Variants in BRD10 observed in about 807,000 individuals in gnomAD.
BRD10 encodes bromodomain containing 10.
the BRD10 span, among the ~76,000 whole-genome samples, chr9:5,911,516 A>G: frequency 1.7e-4 from 25 of 145,246 alleles, no homozygotes; most frequent in East Asian, 2.8e-3. Context: ...CTTTTTGCTT[A>G]GGTCCTTTTT....
At chr9:5,929,732 T>C in the BRD10 span, among the ~76,000 whole-genome samples, 1 of 152,178 alleles carries the variant, frequency 6.6e-6, no homozygotes, top group Non-Finnish European at 1.5e-5. Flanking sequence ...CTCAATTTGC[T>C]AAGTTTTAAC....
chr9:5,983,414 C>A, the BRD10 span, among the ~76,000 whole-genome samples: 1 of 152,088 alleles, frequency 6.6e-6, no homozygotes, highest in Non-Finnish European at 1.5e-5. Context: ...TTCACAATGT[C>A]TAATTTCCAA....
chr9:5,887,859 C>G, the BRD10 span, among the ~76,000 whole-genome samples: 1 of 152,188 alleles, frequency 6.6e-6, no homozygotes, highest in Non-Finnish European at 1.5e-5. Flanking sequence ...CTGCTTCTTA[C>G]CATTTAGGTC....
the BRD10 span, among the ~76,000 whole-genome samples, chr9:5,945,895 T>G: frequency 6.6e-6 from 1 of 152,018 alleles, no homozygotes; most frequent in Admixed American, 6.6e-5. Context: ...GTTTATACCA[T>G]GTGATAATTA....
the BRD10 span, among the ~76,000 whole-genome samples, chr9:5,900,637 A>G: frequency 6.6e-6 from 1 of 152,226 alleles, no homozygotes; most frequent in East Asian, 1.9e-4. Context: ...TGAAATGTCT[A>G]CTTTTCAACT....
the BRD10 span, among the ~76,000 whole-genome samples, chr9:5,967,474 A>T: frequency 6.6e-6 from 1 of 151,854 alleles, no homozygotes; most frequent in East Asian, 1.9e-4. Flanking sequence ...TTCATGTCTT[A>T]TTAATTGATG....
the BRD10 span, among the ~76,000 whole-genome samples, chr9:5,955,143 GT>G: frequency 2.6e-5 from 4 of 151,774 alleles, no homozygotes; most frequent in Non-Finnish European, 4.4e-5. Flanking sequence ...CACATTAAAA[GT>G]TTTCCCCCAA....
the BRD10 span, among the ~76,000 whole-genome samples, chr9:6,003,440 CCT>C: frequency 9.2e-5 from 14 of 152,208 alleles, no homozygotes; most frequent in South Asian, 6.2e-4. Context: ...TGATCTTCTC[CCT>C]GTTTCTAATG....
At chr9:5,989,213 CAA>C in the BRD10 span, among the ~76,000 whole-genome samples, 1 of 85,278 alleles carries the variant, frequency 1.2e-5, no homozygotes, top group Admixed American at 1.7e-4. Flanking sequence ...GCCTGGGCAA[CAA>C]GAGAGAAACT....
chr9:5,933,424 T>C, the BRD10 span, among the ~76,000 whole-genome samples: 1 of 152,182 alleles, frequency 6.6e-6, no homozygotes, highest in Non-Finnish European at 1.5e-5. Flanking sequence ...TACAATATAA[T>C]TTAAATTTGA....
At chr9:5,903,842 A>G in the BRD10 span, among the ~76,000 whole-genome samples, 1 of 151,896 alleles carries the variant, frequency 6.6e-6, no homozygotes, top group Non-Finnish European at 1.5e-5. Context: ...TTAGCATGGT[A>G]TATCTTTTTC....
chr9:6,007,771 G>A, the BRD10 span: 17 of 1,562,442 alleles, frequency 1.1e-5, no homozygotes, highest in Admixed American at 1.9e-5. Flanking sequence ...CGCTCCCGGC[G>A]TCCCGGGCAC....
At chr9:5,961,887 A>G in the BRD10 span, among the ~76,000 whole-genome samples, 20 of 152,202 alleles carry the variant, frequency 1.3e-4, no homozygotes, top group Admixed American at 1.3e-3. Flanking sequence ...ACTAAAAATC[A>G]CCTGCCGGTC....
the BRD10 span, chr9:5,920,988 C>G: frequency 6.2e-7 from 1 of 1,613,924 alleles, no homozygotes; most frequent in Admixed American, 1.7e-5. Context: ...GAAGCAGAGG[C>G]TGAGGTCACT....
chr9:5,929,936 T>A, the BRD10 span, among the ~76,000 whole-genome samples: 96 of 152,208 alleles, frequency 6.3e-4, no homozygotes, highest in South Asian at 0.012. Flanking sequence ...TAGAACCACA[T>A]CACTACCTCT....
At chr9:5,889,296 C>A in the BRD10 span, among the ~76,000 whole-genome samples, 2 of 152,206 alleles carry the variant, frequency 1.3e-5, no homozygotes, top group Non-Finnish European at 2.9e-5. Flanking sequence ...GACCTCTCAT[C>A]AACCGACTAC....
At chr9:5,952,069 G>C in the BRD10 span, among the ~76,000 whole-genome samples, 3 of 151,276 alleles carry the variant, frequency 2.0e-5, no homozygotes, top group Non-Finnish European at 4.4e-5. Flanking sequence ...TGCCCAGCCT[G>C]GAGTGCAATG....
the BRD10 span, among the ~76,000 whole-genome samples, chr9:5,958,034 T>G: frequency 6.6e-6 from 1 of 152,028 alleles, no homozygotes; most frequent in Non-Finnish European, 1.5e-5. Flanking sequence ...AAATCAGAAG[T>G]CAAATTAAAA....
the BRD10 span, chr9:6,007,050 G>A: frequency 2.5e-6 from 2 of 794,262 alleles, no homozygotes; most frequent in South Asian, 3.6e-5. Flanking sequence ...CCCGCCCAGC[G>A]CCGCTCCTCC....
Sources: allele counts gnomAD v4.1 joint callset (sites outside exome capture counted in the v4.1 genomes callset), GRCh38; gene constraint gnomAD v4.1.1; transcripts MANE v1.5; gene names NCBI Gene and HGNC (gene_info 2026-07-23, HGNC 2026-07-21).